Variants in MARCHF1 observed in about 807,000 individuals in gnomAD.
MARCHF1 encodes E3 ubiquitin-protein ligase MARCHF1.
A neutral mutation model predicts 54.2 loss-of-function variants in MARCHF1; 40 were observed. That is an observed-to-expected ratio of 0.74 (90% CI 0.57 to 0.96). MARCHF1 has a LOEUF of 0.96. MARCHF1 is among the 40% of genes least tolerant of loss of function. The pLI, the probability that MARCHF1 is intolerant of heterozygous loss-of-function variation, is 0.00. For synonymous variants in MARCHF1, 236 were observed against 236.3 expected, an observed-to-expected ratio of 1.00 and a Z score of 0.01; for missense variants, 586 against 656.5, an observed-to-expected ratio of 0.89 and a Z score of 1.17.
chr4:163,868,153 C>T (rs151159957), intron 3 of MARCHF1, among the ~76,000 whole-genome samples: 1 of 151,746 alleles, frequency 6.6e-6, no homozygotes, highest in Non-Finnish European at 1.5e-5. Flanking sequence ...TCTCCAGGAC[C>T]AAGAACAGAT....
intron 5 of MARCHF1, among the ~76,000 whole-genome samples, chr4:163,644,077 TA>T (rs752658854): frequency 1.6e-4 from 25 of 152,290 alleles, no homozygotes; most frequent in Non-Finnish European, 2.8e-4. Context: ...TAATAACATT[TA>T]GGTAAAGCTA....
intron 4 of MARCHF1, among the ~76,000 whole-genome samples, chr4:163,804,783 C>T (rs1012175749): frequency 4.6e-5 from 7 of 152,142 alleles, no homozygotes; most frequent in African/African-American, 1.4e-4. Flanking sequence ...GTAGAAATGA[C>T]TTCACTTGCA....
chr4:164,162,823 C>T (rs549733527), intron 1 of MARCHF1, among the ~76,000 whole-genome samples: 12 of 151,610 alleles, frequency 7.9e-5, no homozygotes, highest in Admixed American at 7.2e-4. Flanking sequence ...CAGTATTTAG[C>T]GAAATTATGA....
At chr4:163,615,139 G>A (rs1741470301) in intron 5 of MARCHF1, among the ~76,000 whole-genome samples, 1 of 152,084 alleles carries the variant, frequency 6.6e-6, no homozygotes, top group African/African-American at 2.4e-5. Flanking sequence ...ATGTATTCTG[G>A]TGGTGGCTCT....
chr4:163,663,403 T>C (rs1411321824), intron 5 of MARCHF1, among the ~76,000 whole-genome samples: 2 of 152,030 alleles, frequency 1.3e-5, no homozygotes, highest in African/African-American at 2.4e-5. Context: ...TGTTTCTCTC[T>C]TCCTTTCTCA....
chr4:163,939,518 T>G (rs961686607), intron 3 of MARCHF1, among the ~76,000 whole-genome samples: 7 of 152,184 alleles, frequency 4.6e-5, no homozygotes, highest in African/African-American at 1.7e-4. Context: ...CTTCACACTC[T>G]ATGCTCATTT....
In MARCHF1 at chr4:164,211,331, G is replaced by GTA. The variant is rs10604337; in HGVS notation, c.-322-99671_-322-99670dup. Reference sequence around the variant, plus strand: ...AACCTGCATATGTGTATGTATGTATGTATATATATATATATATATATATAC... The same window carrying GTA: ...AACCTGCATATGTGTATGTATGTATGTATATATATATATATATATATATATAC... On this transcript the variant is annotated intron_variant, in intron 1 of 9. Coordinates refer to ENST00000514618, the MANE Select transcript of MARCHF1 (RefSeq NM_001394959.1). Among the ~76,000 whole-genome samples the GTA allele has an allele frequency of 3.9e-3, 447 of 115,964 alleles. 7 individuals are homozygous for GTA. The highest frequency in any genetic ancestry group is 7.8e-3 in the African/African-American group (281 of 36,196). The allele number at this position is 115,964 out of a possible 152,430, so 76.1% of individuals were successfully genotyped here.
chr4:163,884,554 T>C (rs1274260623), intron 3 of MARCHF1, among the ~76,000 whole-genome samples: 1 of 152,152 alleles, frequency 6.6e-6, no homozygotes. Flanking sequence ...TAACATTTAA[T>C]GAAAGGCCCC....
chr4:164,374,696 TCCC>T (rs1731135302), intron 1 of MARCHF1, among the ~76,000 whole-genome samples: 1 of 152,098 alleles, frequency 6.6e-6, no homozygotes, highest in Admixed American at 6.6e-5. Context: ...TCAAATTGAT[TCCC>T]CCATCTCTTT....
chr4:163,890,415 T>TA (rs1750636178), intron 3 of MARCHF1, among the ~76,000 whole-genome samples: 1 of 152,044 alleles, frequency 6.6e-6, no homozygotes. Flanking sequence ...TGAAGGACAA[T>TA]AAAATGCCAG....
At chr4:164,249,340 T>G (rs1369681857) in intron 1 of MARCHF1, among the ~76,000 whole-genome samples, 1 of 152,070 alleles carries the variant, frequency 6.6e-6, no homozygotes, top group Non-Finnish European at 1.5e-5. Context: ...GGTTTGATTT[T>G]TGATGTATGG....
At chr4:163,851,445 G>A (rs752271783) in intron 4 of MARCHF1, among the ~76,000 whole-genome samples, 5 of 152,166 alleles carry the variant, frequency 3.3e-5, no homozygotes, top group Non-Finnish European at 7.3e-5. Context: ...TTTATATTGG[G>A]TGTGTGGGAA....
At chr4:164,269,454 G>C (rs979960143) in intron 1 of MARCHF1, among the ~76,000 whole-genome samples, 3 of 152,046 alleles carry the variant, frequency 2.0e-5, no homozygotes, top group Non-Finnish European at 2.9e-5. Flanking sequence ...AGCTTGCATA[G>C]ACTTCTTTTT....
At chr4:163,719,712 T>C (rs9683777) in intron 4 of MARCHF1, among the ~76,000 whole-genome samples, 1,699 of 148,786 alleles carry the variant, frequency 0.011, 48 homozygotes, top group African/African-American at 0.041. Context: ...GACTTTTTAA[T>C]GATCGCCATT....
At chr4:163,976,112 A>G (rs1404691739) in intron 3 of MARCHF1, among the ~76,000 whole-genome samples, 1 of 152,216 alleles carries the variant, frequency 6.6e-6, no homozygotes. Flanking sequence ...AGAACTAGCA[A>G]CAAGTGCCCA....
intron 5 of MARCHF1, among the ~76,000 whole-genome samples, chr4:163,679,979 G>GTTTTTTTTTTT (rs11327231): frequency 1.4e-5 from 2 of 139,374 alleles, no homozygotes; most frequent in African/African-American, 2.6e-5. Flanking sequence ...CTTTTTATCT[G>GTTTTTTTTTTT]TTTTTTTTTT....
chr4:163,615,377 A>C (rs1265023350), intron 5 of MARCHF1, among the ~76,000 whole-genome samples: 1 of 152,268 alleles, frequency 6.6e-6, no homozygotes, highest in African/African-American at 2.4e-5. Context: ...AGATGCAGTA[A>C]ATTTGCAGGA....
chr4:163,560,778 G>A (rs1271658865), intron 8 of MARCHF1, among the ~76,000 whole-genome samples: 1 of 152,064 alleles, frequency 6.6e-6, no homozygotes, highest in Non-Finnish European at 1.5e-5. Context: ...TAATTTAAAT[G>A]CTATTGCAAA....
At chr4:164,321,018 G>C (rs1205063810) in intron 1 of MARCHF1, among the ~76,000 whole-genome samples, 2 of 152,138 alleles carry the variant, frequency 1.3e-5, no homozygotes, top group Non-Finnish European at 2.9e-5. Flanking sequence ...AGAGTGATTT[G>C]GTGAATACAG....
Sources: allele counts gnomAD v4.1 joint callset (sites outside exome capture counted in the v4.1 genomes callset), GRCh38; gene constraint gnomAD v4.1.1; transcripts MANE v1.5; gene names NCBI Gene and HGNC (gene_info 2026-07-23, HGNC 2026-07-21).